CCDC171: variants seen among roughly 807,000 people sequenced by gnomAD.
The protein encoded by CCDC171 is coiled-coil domain containing 171.
A neutral mutation model predicts 168.2 loss-of-function variants in CCDC171; 177 were observed. That is an observed-to-expected ratio of 1.05 (90% confidence interval 0.93 to 1.19). CCDC171 has a LOEUF of 1.19. Ranked by LOEUF, CCDC171 falls within the 50% of genes most tolerant of loss-of-function variation. The probability of loss-of-function intolerance (pLI) is 0.00; values close to 1 mark genes in which losing one functional copy is unlikely to be tolerated. For missense variants in CCDC171, 1,991 were observed against 1,539.0 expected (o/e 1.29, Z -4.91); for synonymous variants, 687 against 540.8 (o/e 1.27, Z -3.75).
intron 24 of CCDC171, among the ~76,000 whole-genome samples, chr9:15,894,927 C>T (rs1820706315): frequency 6.6e-6 from 1 of 152,110 alleles, no homozygotes; most frequent in Admixed American, 6.6e-5. Flanking sequence ...ACAGTATCTT[C>T]AGCACCTAGA....
chr9:15,559,944 C>G (rs2039140278), intron 1 of CCDC171, among the ~76,000 whole-genome samples: 2 of 152,064 alleles, frequency 1.3e-5, no homozygotes, highest in Non-Finnish European at 1.5e-5. Context: ...CAGAATCTCT[C>G]AATATTTGTT....
intron 7 of CCDC171, among the ~76,000 whole-genome samples, chr9:15,628,240 G>T (rs187174489): frequency 6.6e-6 from 1 of 151,298 alleles, no homozygotes; most frequent in East Asian, 1.9e-4. Flanking sequence ...CCTTACTCGG[G>T]AAGCGCAAGG....
At chr9:15,964,187 G>A (rs1475961393) in intron 25 of CCDC171, among the ~76,000 whole-genome samples, 2 of 152,044 alleles carry the variant, frequency 1.3e-5, no homozygotes, top group Non-Finnish European at 2.9e-5. Context: ...TCTTACAACT[G>A]AACTCAGTCT....
chr9:15,559,475 A>T (rs970900496), intron 1 of CCDC171, among the ~76,000 whole-genome samples: 3 of 152,046 alleles, frequency 2.0e-5, no homozygotes, highest in African/African-American at 7.2e-5. Context: ...TGATCCCTTT[A>T]CCATTATGTA....
intron 3 of CCDC171, among the ~76,000 whole-genome samples, chr9:16,001,383 G>T (rs1832539541): frequency 6.6e-6 from 1 of 151,730 alleles, no homozygotes; most frequent in South Asian, 2.1e-4. Flanking sequence ...AAGTAAGGAG[G>T]GTTTTCTCAT....
Position 15,597,350 on chromosome 9 carries a change from C to T in CCDC171, c.675+3178C>T, listed in dbSNP as rs544288448. ...TAGCTAATTTATTGAGAGTTTTTAGCATGAAGGGTTGCTGAATTTTGTCAA... is the reference window on the plus strand; with the variant it reads ...TAGCTAATTTATTGAGAGTTTTTAGTATGAAGGGTTGCTGAATTTTGTCAA... On this transcript the variant is annotated intron_variant, in intron 6 of 25. Coordinates refer to ENST00000380701, the MANE Select transcript of CCDC171 (RefSeq NM_173550.4). Among the ~76,000 whole-genome samples, 6 of 152,196 alleles carry T rather than the reference C, an allele frequency of 3.9e-5. No individual in the cohort carries two copies. The East Asian group carries it at 7.7e-4, about 20-fold the overall frequency.
In CCDC171 at chr9:15,920,216, C is replaced by T. The variant is rs115356612; in HGVS notation, c.3601-54C>T. 427 of 1,139,638 alleles carry T rather than the reference C, an allele frequency of 3.7e-4. 3 individuals carry two copies. In the African/African-American group the frequency reaches 5.9e-3, roughly 16 times the overall value. The allele number at this position is 1,139,638 out of a possible 1,614,324, so 70.6% of individuals were successfully genotyped here. On this transcript the variant is annotated intron_variant, in intron 24 of 25. Transcript: ENST00000380701. ...TTTGCTTTCAAATTATGGAAATTCT[C>T]CTTTGGGGACATATTTATTTGAATT...
chr9:15,564,382 T>TAG (rs2039557091), intron 2 of CCDC171, among the ~76,000 whole-genome samples: 2 of 152,266 alleles, frequency 1.3e-5, no homozygotes, highest in South Asian at 2.1e-4. Context: ...GTCCTGTTAC[T>TAG]AGAGACTTGC....
At chr9:15,953,940 A>G (rs1161684647) in intron 25 of CCDC171, among the ~76,000 whole-genome samples, 1 of 151,996 alleles carries the variant, frequency 6.6e-6, no homozygotes, top group Non-Finnish European at 1.5e-5. Flanking sequence ...TGTTTCATCG[A>G]GGGCATTCAA....
At chr9:15,711,109 C>T (rs2052631164) in intron 11 of CCDC171, among the ~76,000 whole-genome samples, 1 of 152,076 alleles carries the variant, frequency 6.6e-6, no homozygotes, top group Admixed American at 6.5e-5. Context: ...AGACTCTAGC[C>T]ACATGTGGCT....
At chr9:15,694,490 C>G (rs2051062848) in intron 10 of CCDC171, among the ~76,000 whole-genome samples, 1 of 152,138 alleles carries the variant, frequency 6.6e-6, no homozygotes, top group Non-Finnish European at 1.5e-5. Context: ...CAAAAAGAAG[C>G]AAGCAAGTAA....
intron 21 of CCDC171, among the ~76,000 whole-genome samples, chr9:15,843,616 G>A (rs78227578): frequency 0.019 from 2,850 of 152,044 alleles, 89 homozygotes; most frequent in African/African-American, 0.065. Context: ...AATTTCATCA[G>A]GGGTTTAATT....
At chr9:15,589,602 GA>G (rs1358793632) in intron 4 of CCDC171, among the ~76,000 whole-genome samples, 1 of 152,180 alleles carries the variant, frequency 6.6e-6, no homozygotes, top group African/African-American at 2.4e-5. Context: ...GTCCTTTGAA[GA>G]AGAGGGTTTG....
chr9:15,948,755 T>C (rs1376104961), intron 25 of CCDC171, among the ~76,000 whole-genome samples: 7 of 151,750 alleles, frequency 4.6e-5, no homozygotes, highest in South Asian at 2.1e-4. Context: ...GCGAAGATTT[T>C]CTCCCATTTT....
intron 23 of CCDC171, among the ~76,000 whole-genome samples, chr9:15,872,111 T>C (rs1010328274): frequency 1.3e-5 from 2 of 151,998 alleles, no homozygotes; most frequent in African/African-American, 2.4e-5. Context: ...TTGATGGCAC[T>C]GTCAAGTTGA....
intron 6 of CCDC171, among the ~76,000 whole-genome samples, chr9:15,606,343 A>T (rs2043224719): frequency 6.6e-6 from 1 of 152,212 alleles, no homozygotes; most frequent in African/African-American, 2.4e-5. Context: ...AGTCATACAA[A>T]TGATTCTTCG....
chr9:16,049,618 C>A (rs1475546936), intron 1 of CCDC171, among the ~76,000 whole-genome samples: 2 of 152,140 alleles, frequency 1.3e-5, no homozygotes, highest in East Asian at 3.9e-4. Flanking sequence ...GGTCCTGAGG[C>A]TTTTGACCTT....
intron 7 of CCDC171, among the ~76,000 whole-genome samples, chr9:15,653,685 AC>A (rs2047704100): frequency 6.6e-6 from 1 of 152,116 alleles, no homozygotes; most frequent in African/African-American, 2.4e-5. Context: ...ATTATTTTAA[AC>A]CATATCTAGA....
intron 21 of CCDC171, among the ~76,000 whole-genome samples, chr9:15,825,205 G>A (rs1488494158): frequency 1.3e-5 from 2 of 152,046 alleles, no homozygotes; most frequent in Non-Finnish European, 2.9e-5. Flanking sequence ...AATTTAGATT[G>A]CTATAGTCTC....
Sources: allele counts gnomAD v4.1 joint callset (sites outside exome capture counted in the v4.1 genomes callset), GRCh38; gene constraint gnomAD v4.1.1; transcripts MANE v1.5; gene names NCBI Gene and HGNC (gene_info 2026-07-23, HGNC 2026-07-21).